DPP10: variants seen among roughly 807,000 people sequenced by gnomAD.
DPP10 encodes inactive dipeptidyl peptidase 10.
In DPP10, 33 loss-of-function variants were observed where a neutral mutation model predicts 120.9. The ratio of observed to expected loss-of-function variants is 0.27; its 90% confidence interval spans 0.21 to 0.37. The LOEUF (loss-of-function observed/expected upper bound fraction) is 0.37, where lower values mean the gene tolerates loss of function less well. Among genes scored for constraint, DPP10 ranks in the 10% least tolerant of loss-of-function variants. DPP10 has a pLI of 1.00. For synonymous variants in DPP10, 337 were observed against 326.1 expected (o/e 1.03, Z -0.36); for missense variants, 816 against 942.8 (o/e 0.87, Z 1.76).
chr2:115,012,645 C>T (rs1441858699), intron 1 of DPP10, among the ~76,000 whole-genome samples: 4 of 152,180 alleles, frequency 2.6e-5, no homozygotes, highest in Non-Finnish European at 5.9e-5. Flanking sequence ...GAGAACACTA[C>T]ATCAAGGGAG....
chr2:114,724,600 A>G (rs1176719955), intron 1 of DPP10, among the ~76,000 whole-genome samples: 1 of 152,208 alleles, frequency 6.6e-6, no homozygotes, highest in African/African-American at 2.4e-5. Flanking sequence ...TATGTAACAT[A>G]CTTCCCATGT....
chr2:114,755,405 C>T (rs1467603176), intron 1 of DPP10, among the ~76,000 whole-genome samples: 3 of 152,098 alleles, frequency 2.0e-5, no homozygotes, highest in South Asian at 4.1e-4. Flanking sequence ...GTGATCCTCC[C>T]CGCTTCACCC....
At chr2:115,312,188 A>T (rs1230746126) in intron 2 of DPP10, among the ~76,000 whole-genome samples, 1 of 152,328 alleles carries the variant, frequency 6.6e-6, no homozygotes, top group Non-Finnish European at 1.5e-5. Context: ...GCTGGAGTGG[A>T]AAAGGTATTG....
chr2:115,194,230 G>GTT (rs796179191), intron 1 of DPP10, among the ~76,000 whole-genome samples: 2 of 146,868 alleles, frequency 1.4e-5, no homozygotes, highest in South Asian at 2.1e-4. Context: ...GGAGTTTGTT[G>GTT]TTTTTTTTTT....
At chr2:115,602,970 G>T (rs552519301) in intron 5 of DPP10, among the ~76,000 whole-genome samples, 5 of 151,972 alleles carry the variant, frequency 3.3e-5, no homozygotes, top group Non-Finnish European at 7.4e-5. Flanking sequence ...AATTATTAAG[G>T]TTCTTGATTC....
At chr2:115,271,022 AC>A (rs2059678793) in intron 1 of DPP10, among the ~76,000 whole-genome samples, 1 of 152,212 alleles carries the variant, frequency 6.6e-6, no homozygotes, top group African/African-American at 2.4e-5. Context: ...TACCTTCAAA[AC>A]TAGTTCAACC....
chr2:115,174,709 GTTTTC>G (rs2053582259), intron 1 of DPP10, among the ~76,000 whole-genome samples: 1 of 152,188 alleles, frequency 6.6e-6, no homozygotes, highest in Non-Finnish European at 1.5e-5. Context: ...TTCTCGAATT[GTTTTC>G]TTAACATTCC....
chr2:115,349,096 G>C (rs1416524087), intron 3 of DPP10, among the ~76,000 whole-genome samples: 1 of 152,090 alleles, frequency 6.6e-6, no homozygotes, highest in East Asian at 1.9e-4. Context: ...TATGTAATGG[G>C]ATAGAAGTTG....
chr2:115,155,593 C>T (rs528942377), intron 1 of DPP10, among the ~76,000 whole-genome samples: 8 of 152,256 alleles, frequency 5.3e-5, no homozygotes, highest in South Asian at 4.1e-4. Context: ...CTGATGCTTA[C>T]GGTCTAATTG....
intron 3 of DPP10, among the ~76,000 whole-genome samples, chr2:115,455,081 T>C (rs892905728): frequency 2.0e-5 from 3 of 151,024 alleles, no homozygotes; most frequent in African/African-American, 7.3e-5. Flanking sequence ...TAAAATAACA[T>C]CACAAACTAA....
intron 1 of DPP10, among the ~76,000 whole-genome samples, chr2:114,683,684 T>G (rs2105725786): frequency 6.6e-6 from 1 of 151,664 alleles, no homozygotes; most frequent in Admixed American, 6.6e-5. Context: ...TGAGAGAAGG[T>G]TTTCTTCGTA....
chr2:115,109,543 A>AAG (rs368244381), intron 1 of DPP10, among the ~76,000 whole-genome samples: 3 of 152,170 alleles, frequency 2.0e-5, no homozygotes, highest in Non-Finnish European at 2.9e-5. Flanking sequence ...TCAAAAAAAA[A>AAG]AGAAAAAAAA....
At chr2:114,892,862 A>C (rs1000824359) in intron 1 of DPP10, among the ~76,000 whole-genome samples, 1 of 152,130 alleles carries the variant, frequency 6.6e-6, no homozygotes, top group Non-Finnish European at 1.5e-5. Flanking sequence ...GGACCCCCCA[A>C]AAAATGGCAG....
At chr2:114,918,824 C>G (rs187453304) in intron 1 of DPP10, among the ~76,000 whole-genome samples, 1 of 151,770 alleles carries the variant, frequency 6.6e-6, no homozygotes, top group Admixed American at 6.6e-5. Context: ...GGGTGAGGAC[C>G]GTAAAACTAC....
chr2:114,851,262 G>A (rs1343134088), intron 1 of DPP10, among the ~76,000 whole-genome samples: 2 of 151,922 alleles, frequency 1.3e-5, no homozygotes, highest in Non-Finnish European at 1.5e-5. Context: ...TCTCATTTAG[G>A]GTTTAACGAT....
At chr2:114,727,587 T>C (rs1676459142) in intron 1 of DPP10, among the ~76,000 whole-genome samples, 1 of 152,182 alleles carries the variant, frequency 6.6e-6, no homozygotes, top group Admixed American at 6.5e-5. Context: ...TCTCAGGGCA[T>C]GTTTTTTAAT....
chr2:114,814,200 G>A (rs1349200286), intron 1 of DPP10, among the ~76,000 whole-genome samples: 2 of 152,140 alleles, frequency 1.3e-5, no homozygotes, highest in Non-Finnish European at 2.9e-5. Flanking sequence ...TTAAAAGTAA[G>A]TTTTGGTTTG....
intron 1 of DPP10, among the ~76,000 whole-genome samples, chr2:114,725,156 T>C (rs78077931): frequency 6.6e-6 from 1 of 152,180 alleles, no homozygotes; most frequent in Non-Finnish European, 1.5e-5. Context: ...AACTTGGAAA[T>C]GTGTCCCAGC....
intron 1 of DPP10, among the ~76,000 whole-genome samples, chr2:114,813,969 C>CAT (rs971092859): frequency 1.3e-5 from 2 of 151,702 alleles, no homozygotes; most frequent in African/African-American, 4.8e-5. Flanking sequence ...CACACACACA[C>CAT]ACACACACAC....
Sources: gnomAD v4.1 joint callset for allele counts (sites outside exome capture counted in the v4.1 genomes callset) on GRCh38, gnomAD v4.1.1 for gene constraint, MANE v1.5 for transcripts, NCBI Gene and HGNC (gene_info 2026-07-23, HGNC 2026-07-21) for gene names.